PKP1: variants seen among roughly 807,000 people sequenced by gnomAD.
PKP1 encodes the protein plakophilin-1.
Under a neutral mutation model 76.4 loss-of-function variants are expected in PKP1, and 27 were observed. The ratio of observed to expected loss-of-function variants is 0.35; its 90% CI spans 0.26 to 0.49. PKP1 has a LOEUF of 0.49. Among genes scored for constraint, PKP1 ranks in the 20% least tolerant of loss-of-function variants. The probability of loss-of-function intolerance (pLI) is 0.99; values close to 1 mark genes in which losing one functional copy is unlikely to be tolerated. For missense variants in PKP1, 964 were observed against 955.2 expected (o/e 1.01, Z -0.12); for synonymous variants, 404 against 384.2 (o/e 1.05, Z -0.60).
chr1:201,294,878 C>T (rs761836267), intron 2 of PKP1, among the ~76,000 whole-genome samples: 10 of 152,194 alleles, frequency 6.6e-5, no homozygotes, highest in Non-Finnish European at 1.3e-4. Flanking sequence ...ACAACCACAC[C>T]AGCCAGTGCA....
chr1:201,314,832 G>T (rs1621060), intron 3 of PKP1, among the ~76,000 whole-genome samples: 1 of 152,264 alleles, frequency 6.6e-6, no homozygotes, highest in Non-Finnish European at 1.5e-5. Flanking sequence ...CTGTTCTGGA[G>T]CTACACAATT....
Position 201,323,016 on chromosome 1 carries a change from A to G in PKP1, c.1507A>G (p.Asn503Asp), listed in dbSNP as rs143670888. The G allele has an allele frequency of 3.7e-5, 60 of 1,613,824 alleles. No homozygotes were observed. In the African/African-American group the frequency reaches 4.9e-4, roughly 13 times the overall value. ...CTGACCGGCTCTTTATCCTCAGAACAACAACTATGACTGCCCCCTGCCTGA... is the reference window on the plus strand; with the variant it reads ...CTGACCGGCTCTTTATCCTCAGAACGACAACTATGACTGCCCCCTGCCTGA... ...FSNKSDKMMN[N>D]NYDCPLPEEE... Residue 503 changes from asparagine (N) to aspartate (D), a missense_variant, in exon 9 of 14, where the codon AAC becomes GAC. Asn to Asp is a conservative substitution (Grantham distance 23, BLOSUM62 1). Coordinates refer to ENST00000367324, the MANE Select transcript of PKP1 (RefSeq NM_001005337.3).
At chr1:201,316,734 C>T (rs773294695) in intron 4 of PKP1, 37 bp downstream of exon 4, 31 of 1,610,762 alleles carry the variant, frequency 1.9e-5, no homozygotes, top group Admixed American at 1.3e-4. Context: ...GGTGGGCCTG[C>T]GGAGGGCCTG....
At chr1:201,317,831 G>A in intron 5 of PKP1, 52 bp downstream of exon 5, 2 of 1,534,538 alleles carry the variant, frequency 1.3e-6, no homozygotes, top group South Asian at 2.3e-5. Flanking sequence ...CAAGGCCACT[G>A]GCTATGGCCC....
At chr1:201,316,800 T>C (rs2102177418) in intron 4 of PKP1, 103 bp downstream of exon 4, 1 of 1,298,044 alleles carries the variant, frequency 7.7e-7, no homozygotes, top group East Asian at 2.4e-5. Context: ...GCAGTTGGCT[T>C]CTCTTGCCTT....
intron 1 of PKP1, among the ~76,000 whole-genome samples, chr1:201,292,773 G>A (rs1352896517): frequency 6.6e-6 from 1 of 152,192 alleles, no homozygotes; most frequent in Admixed American, 6.5e-5. Context: ...TCCCTCTTAG[G>A]AGGCTCTCAC....
At chr1:201,296,765 C>T (rs1656089066) in intron 2 of PKP1, among the ~76,000 whole-genome samples, 1 of 152,200 alleles carries the variant, frequency 6.6e-6, no homozygotes, top group Non-Finnish European at 1.5e-5. Flanking sequence ...GTTTCTAGAA[C>T]CCCTAAAAGT....
intron 1 of PKP1, among the ~76,000 whole-genome samples, chr1:201,293,261 T>C (rs1277135124): frequency 6.6e-6 from 1 of 152,236 alleles, no homozygotes; most frequent in Non-Finnish European, 1.5e-5. Flanking sequence ...TTCTGTTTTC[T>C]GTGATGCAAA....
intron 2 of PKP1, among the ~76,000 whole-genome samples, chr1:201,307,396 C>A (rs960807111): frequency 6.6e-6 from 1 of 152,236 alleles, no homozygotes; most frequent in African/African-American, 2.4e-5. Flanking sequence ...ATCGACACTT[C>A]CCCTGCTGAA....
rs1026006747 is a variant in PKP1 at position 201,295,890 on chromosome 1, A to G, written c.306+1845A>G. 2.1e-3 allele frequency among the ~76,000 whole-genome samples: 320 copies of G among 151,396 alleles called. 1 individual carries two copies. The highest frequency in any genetic ancestry group is 3.6e-3 in the Non-Finnish European group (243 of 67,836). ...TTTCGGGGAAGGTGTTTCTAAAGAA[A>G]AAAAAAAAATCTTCATTTGGCCCAT... On this transcript the variant is annotated intron_variant, in intron 2 of 13. Transcript: ENST00000367324.
At chr1:201,288,963 G>A (rs1432031899) in intron 1 of PKP1, among the ~76,000 whole-genome samples, 1 of 152,206 alleles carries the variant, frequency 6.6e-6, no homozygotes, top group East Asian at 1.9e-4. Context: ...TTTCTGTTCA[G>A]TACGTACACC....
chr1:201,289,675 T>G (rs1655853133), intron 1 of PKP1, among the ~76,000 whole-genome samples: 1 of 143,796 alleles, frequency 7.0e-6, no homozygotes, highest in African/African-American at 2.6e-5. Context: ...AGGCCCTACC[T>G]TCTGGGAGGA....
At chr1:201,329,217 A>G (rs1380151758) in intron 13 of PKP1, among the ~76,000 whole-genome samples, 3 of 152,196 alleles carry the variant, frequency 2.0e-5, no homozygotes, top group Non-Finnish European at 4.4e-5. Flanking sequence ...AGAATATGTC[A>G]TTCTGGGCTT....
At chr1:201,305,432 G>A (rs1192801231) in intron 2 of PKP1, among the ~76,000 whole-genome samples, 1 of 152,200 alleles carries the variant, frequency 6.6e-6, no homozygotes, top group Non-Finnish European at 1.5e-5. Context: ...TGGAAGGATT[G>A]TTTCAGCCCA....
intron 1 of PKP1, among the ~76,000 whole-genome samples, chr1:201,288,676 C>T (rs1285737863): frequency 2.0e-5 from 3 of 152,118 alleles, no homozygotes; most frequent in African/African-American, 2.4e-5. Context: ...TAGTTGCTGG[C>T]GAGAGCCTTT....
chr1:201,318,610 AC>A lies in PKP1; in HGVS notation c.1055-3del, dbSNP rs775793734. The stretch of plus-strand genomic sequence containing the variant: ...GCACAAATTGGGTTGATGGTCTCTG[AC>A]CCCCAGGGCTGCTCTGGAACCTGTC... On this transcript the variant is annotated splice_polypyrimidine_tract_variant and splice_region_variant and intron_variant, in intron 5 of 13. Coordinates refer to ENST00000367324, the MANE Select transcript of PKP1 (RefSeq NM_001005337.3). 67 of 1,611,664 alleles carry A rather than the reference AC, an allele frequency of 4.2e-5. No individual in the cohort carries two copies. In the East Asian group the frequency reaches 1.5e-3, roughly 36 times the overall value.
At chr1:201,322,168 A>T in intron 8 of PKP1, 35 bp downstream of exon 8, 1 of 1,601,880 alleles carries the variant, frequency 6.2e-7, no homozygotes, top group South Asian at 1.1e-5. Context: ...GGCCTGCCCC[A>T]TCAAGCACCC....
chr1:201,318,508 G>A, intron 5 of PKP1, 110 bp from the exon 6 acceptor site: 1 of 912,832 alleles, frequency 1.1e-6, no homozygotes, highest in Non-Finnish European at 1.8e-6. Context: ...TACCTGGAAA[G>A]CGACATTTCA....
intron 12 of PKP1, 147 bp from the exon 13 acceptor site, chr1:201,328,614 GC>G: frequency 1.4e-6 from 1 of 736,194 alleles, no homozygotes; most frequent in Non-Finnish European, 2.5e-6. Context: ...AGTTACTGAG[GC>G]CAGTTTTCGC....
Sources: gnomAD v4.1 joint callset for allele counts (sites outside exome capture counted in the v4.1 genomes callset) on GRCh38, gnomAD v4.1.1 for gene constraint, MANE v1.5 for transcripts, NCBI Gene and HGNC (gene_info 2026-07-23, HGNC 2026-07-21) for gene names.